The following C6 variants were observed in gnomAD, a reference collection of about 807,000 sequenced individuals.
C6 encodes complement C6.
Under a neutral mutation model 112.9 loss-of-function variants are expected in C6, and 101 were observed. That is an observed-to-expected ratio of 0.89 (90% CI 0.76 to 1.06). C6 has a LOEUF of 1.06. Ranked by LOEUF, C6 falls within the 50% of genes least tolerant of loss-of-function variation. The pLI is 0.00. For synonymous variants in C6, 431 were observed against 384.1 expected (o/e 1.12, Z -1.43); for missense variants, 1,202 against 1,104.6 (o/e 1.09, Z -1.25).
At chr5:41,204,615 G>A (rs1297525758) in intron 1 of C6, among the ~76,000 whole-genome samples, 1 of 149,566 alleles carries the variant, frequency 6.7e-6, no homozygotes, top group Admixed American at 6.7e-5. Context: ...TGTTTTTTCA[G>A]TATGTTCAGA....
chr5:41,257,327 T>C (rs1741782890), intron 1 of C6, among the ~76,000 whole-genome samples: 1 of 152,158 alleles, frequency 6.6e-6, no homozygotes, highest in Admixed American at 6.5e-5. Flanking sequence ...TCCAGCTACA[T>C]TCATGTTGCT....
chr5:41,234,350 G>GTTTTTTTTTTTT (rs1316483722), intron 1 of C6, among the ~76,000 whole-genome samples: 1 of 127,804 alleles, frequency 7.8e-6, no homozygotes, highest in African/African-American at 3.4e-5. Flanking sequence ...TTTTTTTTTT[G>GTTTTTTTTTTTT]TTTTTTGTTT....
At chr5:41,155,180 C>T (rs577401042) in intron 13 of C6, 76 bp from the exon 14 acceptor site, 2 of 1,358,018 alleles carry the variant, frequency 1.5e-6, no homozygotes, top group Admixed American at 1.7e-5. Flanking sequence ...CACACTGATC[C>T]TTTCTATCCT....
chr5:41,203,364 C>T (rs1751184827), intron 1 of C6, 114 bp from the exon 2 acceptor site: 2 of 1,117,466 alleles, frequency 1.8e-6, no homozygotes, highest in Non-Finnish European at 2.6e-6. Flanking sequence ...CATTTTTCTG[C>T]CTTCCTTAAG....
intron 1 of C6, among the ~76,000 whole-genome samples, chr5:41,240,676 C>G (rs1278467668): frequency 6.6e-6 from 1 of 152,140 alleles, no homozygotes; most frequent in Non-Finnish European, 1.5e-5. Context: ...AGGCAATCCT[C>G]AGGCTTTCAG....
chr5:41,200,891 G>GTTTTTTTTTTTTTTTTTTTT lies in C6; in HGVS notation c.300+647_300+666dup, dbSNP rs143443464. On this transcript the variant is annotated intron_variant, in intron 3 of 17. Transcript: ENST00000337836. ...TGTTTTTGTTGTTGTTGTTGTTGTT[G>GTTTTTTTTTTTTTTTTTTTT]TTTTTTTTTTTTTTTTTTTTTTTTT... Among the ~76,000 whole-genome samples, 9 of 70,654 alleles carry GTTTTTTTTTTTTTTTTTTTT rather than the reference G, an allele frequency of 1.3e-4. 1 individual carries two copies. Among genetic ancestry groups the GTTTTTTTTTTTTTTTTTTTT allele is most frequent in the African/African-American group, 1.9e-4 (3 of 15,468 alleles). The allele number at this position is 70,654 out of a possible 152,430, so 46.4% of individuals were successfully genotyped here. A position where few individuals can be genotyped will look rare whatever the true frequency, so the allele number is the denominator to read the frequency against.
At chr5:41,172,460 C>G in intron 8 of C6, 113 bp from the exon 9 acceptor site, 1 of 998,256 alleles carries the variant, frequency 1.0e-6, no homozygotes, top group Non-Finnish European at 1.6e-6. Context: ...TAGCCCCTCT[C>G]TTCCCCAGTC....
intron 1 of C6, among the ~76,000 whole-genome samples, chr5:41,209,110 C>A (rs943862514): frequency 5.3e-5 from 8 of 152,028 alleles, no homozygotes; most frequent in Non-Finnish European, 1.2e-4. Context: ...ACAGAACCAA[C>A]GACAAAAACC....
At chr5:41,211,621 G>A (rs1053399004) in intron 1 of C6, among the ~76,000 whole-genome samples, 1 of 151,996 alleles carries the variant, frequency 6.6e-6, no homozygotes, top group Non-Finnish European at 1.5e-5. Flanking sequence ...AGATAGACTA[G>A]AGAAGCCACT....
intron 1 of C6, chr5:41,261,174 GA>G (rs1742031072): frequency 1.0e-6 from 1 of 984,726 alleles, no homozygotes; most frequent in Admixed American, 6.2e-5. Context: ...AAAAAAAGAA[GA>G]AAAAAGTAGA....
At chr5:41,166,446 G>A (rs1230657865) in intron 9 of C6, among the ~76,000 whole-genome samples, 1 of 152,130 alleles carries the variant, frequency 6.6e-6, no homozygotes, top group African/African-American at 2.4e-5. Context: ...AGAATTAGAA[G>A]TTAACACACA....
intron 8 of C6, among the ~76,000 whole-genome samples, chr5:41,173,822 A>C (rs1748626581): frequency 2.0e-5 from 3 of 152,080 alleles, no homozygotes; most frequent in Admixed American, 2.0e-4. Context: ...TGGGAGTAAA[A>C]AATTCTTGGT....
intron 1 of C6, among the ~76,000 whole-genome samples, chr5:41,228,104 G>A (rs1299083220): frequency 1.3e-5 from 2 of 151,816 alleles, no homozygotes; most frequent in Non-Finnish European, 2.9e-5. Flanking sequence ...TTATAACATG[G>A]GATATCTTTC....
intron 1 of C6, among the ~76,000 whole-genome samples, chr5:41,258,543 G>C (rs1741854519): frequency 6.6e-6 from 1 of 152,122 alleles, no homozygotes; most frequent in Non-Finnish European, 1.5e-5. Context: ...GTGTTTTGAT[G>C]CTGTTTGAGT....
intron 1 of C6, among the ~76,000 whole-genome samples, chr5:41,239,441 T>G (rs1554036371): frequency 6.6e-6 from 1 of 152,116 alleles, no homozygotes; most frequent in Non-Finnish European, 1.5e-5. Context: ...GTGTTGGGAA[T>G]GTTTCAAGTC....
At chr5:41,225,186 G>C (rs1445162594) in intron 1 of C6, among the ~76,000 whole-genome samples, 1 of 152,102 alleles carries the variant, frequency 6.6e-6, no homozygotes, top group African/African-American at 2.4e-5. Context: ...TTTAACATTA[G>C]ATATATCTCC....
intron 1 of C6, among the ~76,000 whole-genome samples, chr5:41,238,349 C>G (rs2921179): frequency 0.17 from 26,147 of 150,384 alleles, 2,698 homozygotes; most frequent in South Asian, 0.35. Flanking sequence ...CTACAGTAAC[C>G]AAAACAGCAT....
At chr5:41,245,116 A>G (rs746879342) in intron 1 of C6, among the ~76,000 whole-genome samples, 6 of 152,030 alleles carry the variant, frequency 3.9e-5, no homozygotes, top group Admixed American at 6.6e-5. Context: ...CTTTTATTGC[A>G]GTATCTTGTC....
chr5:41,187,260 A>G (rs933730248), intron 5 of C6, among the ~76,000 whole-genome samples: 3 of 152,134 alleles, frequency 2.0e-5, no homozygotes, highest in Non-Finnish European at 4.4e-5. Flanking sequence ...GGCTCAAGGG[A>G]ACTCTAAACA....
Sources: gnomAD v4.1 joint callset for allele counts (sites outside exome capture counted in the v4.1 genomes callset) on GRCh38, gnomAD v4.1.1 for gene constraint, MANE v1.5 for transcripts, NCBI Gene and HGNC (gene_info 2026-07-23, HGNC 2026-07-21) for gene names.